Variants in FANCL observed in about 807,000 individuals in gnomAD.
FANCL encodes FA complementation group L.
In FANCL, 69 loss-of-function variants were observed where a neutral mutation model predicts 59.4. The ratio of observed to expected loss-of-function variants is 1.16; its 90% CI spans 0.96 to 1.42. FANCL has a LOEUF of 1.42. Among genes scored for constraint, FANCL ranks in the 40% most tolerant of loss-of-function variants. The pLI, the probability that FANCL is intolerant of heterozygous loss-of-function variation, is 0.00. For synonymous variants in FANCL, 180 were observed against 147.1 expected, an observed-to-expected ratio of 1.22 and a Z score of -1.62; for missense variants, 519 against 447.2, an observed-to-expected ratio of 1.16 and a Z score of -1.45.
At chr2:58,161,475 A>C (rs891238089) in intron 12 of FANCL, 47 bp downstream of exon 12, 1 of 1,118,664 alleles carries the variant, frequency 8.9e-7, no homozygotes. Context: ...AATACTTCCT[A>C]TGTTGTGTTA....
chr2:58,211,475 G>A (rs1041637696), intron 5 of FANCL, among the ~76,000 whole-genome samples: 3 of 152,172 alleles, frequency 2.0e-5, no homozygotes, highest in African/African-American at 7.2e-5. Flanking sequence ...ATGCCCTGGA[G>A]ACATTTTCCC....
chr2:58,217,393 T>C (rs1430458306), intron 5 of FANCL, among the ~76,000 whole-genome samples: 2 of 150,570 alleles, frequency 1.3e-5, no homozygotes, highest in Non-Finnish European at 3.0e-5. Context: ...TCCTTGCCTC[T>C]TCCAGTTTCT....
intron 7 of FANCL, among the ~76,000 whole-genome samples, chr2:58,183,373 T>C (rs550583948): frequency 3.8e-4 from 58 of 150,866 alleles, no homozygotes; most frequent in African/African-American, 1.3e-3. Context: ...TTCTCCAAAG[T>C]AGCTTTTCCA....
intron 7 of FANCL, among the ~76,000 whole-genome samples, chr2:58,177,638 G>A (rs1324410234): frequency 9.5e-6 from 1 of 105,152 alleles, no homozygotes; most frequent in African/African-American, 3.6e-5. Flanking sequence ...TTGTGGGGTG[G>A]GGGGAGGGGG....
intron 9 of FANCL, 88 bp from the exon 10 acceptor site, chr2:58,163,162 CTTGAT>C (rs1685459431): frequency 3.4e-6 from 4 of 1,170,548 alleles, no homozygotes; most frequent in Non-Finnish European, 2.5e-6. Context: ...TTCTTAACTA[CTTGAT>C]TAGAAAATCA....
chr2:58,220,102 T>G (rs1692320096), intron 5 of FANCL, among the ~76,000 whole-genome samples: 1 of 152,232 alleles, frequency 6.6e-6, no homozygotes, highest in Admixed American at 6.5e-5. Flanking sequence ...CCATCTGCAG[T>G]GAAACACTAT....
At chr2:58,239,637 T>G (rs941933820) in intron 1 of FANCL, among the ~76,000 whole-genome samples, 1 of 152,222 alleles carries the variant, frequency 6.6e-6, no homozygotes, top group African/African-American at 2.4e-5. Context: ...ATCCTGATTT[T>G]AATCACTGTA....
chr2:58,185,182 T>G (rs559380132), intron 7 of FANCL, among the ~76,000 whole-genome samples: 1 of 151,952 alleles, frequency 6.6e-6, no homozygotes, highest in African/African-American at 2.4e-5. Context: ...AAAAAAAGAA[T>G]TAATCTTAAG....
At chr2:58,210,013 T>G (rs867683733) in intron 5 of FANCL, among the ~76,000 whole-genome samples, 1 of 152,240 alleles carries the variant, frequency 6.6e-6, no homozygotes, top group Non-Finnish European at 1.5e-5. Flanking sequence ...AAAGTTCAAC[T>G]AGTTGAAGTG....
chr2:58,238,282 C>A (rs986068599), intron 1 of FANCL, among the ~76,000 whole-genome samples: 1 of 152,164 alleles, frequency 6.6e-6, no homozygotes, highest in Non-Finnish European at 1.5e-5. Flanking sequence ...TTTAGACCAT[C>A]AAAGTCTTGG....
chr2:58,190,091 C>T (rs750588174), intron 7 of FANCL, among the ~76,000 whole-genome samples: 1 of 151,970 alleles, frequency 6.6e-6, no homozygotes, highest in Non-Finnish European at 1.5e-5. Flanking sequence ...TTTGAAGTTA[C>T]TTACAGGCTT....
intron 12 of FANCL, among the ~76,000 whole-genome samples, chr2:58,160,909 GTA>G (rs1461234151): frequency 1.3e-5 from 2 of 151,906 alleles, no homozygotes; most frequent in Admixed American, 1.3e-4. Flanking sequence ...AAGGTGTTCT[GTA>G]TATAGTTACA....
At chr2:58,200,651 A>C (rs17049403) in intron 6 of FANCL, among the ~76,000 whole-genome samples, 7,979 of 152,004 alleles carry the variant, frequency 0.052, 304 homozygotes, top group African/African-American at 0.097. Context: ...TACACAGCTC[A>C]TTATGCTAAA....
At chr2:58,160,078 T>TTTATGAGATG (rs762366997) in intron 13 of FANCL, 30 bp downstream of exon 13, 8 of 1,609,660 alleles carry the variant, frequency 5.0e-6, no homozygotes, top group Non-Finnish European at 6.8e-6. Flanking sequence ...CTAGGCACAT[T>TTTATGAGATG]TTATGAGATG....
At chr2:58,207,134 C>CT (rs1690665334) in intron 5 of FANCL, among the ~76,000 whole-genome samples, 2 of 152,102 alleles carry the variant, frequency 1.3e-5, no homozygotes. Flanking sequence ...GTGATGTGTG[C>CT]TTTTGGGGGT....
chr2:58,169,933 G>A (rs1013196320), intron 7 of FANCL, among the ~76,000 whole-genome samples: 3 of 152,152 alleles, frequency 2.0e-5, no homozygotes, highest in African/African-American at 7.2e-5. Flanking sequence ...TTTGATTGGT[G>A]TGCCTGAAAG....
chr2:58,237,585 T>C (rs1694137148), intron 1 of FANCL, among the ~76,000 whole-genome samples: 1 of 151,710 alleles, frequency 6.6e-6, no homozygotes, highest in Non-Finnish European at 1.5e-5. Context: ...TATAGAAACA[T>C]AAAAATAATA....
chr2:58,198,379 T>C (rs961583491), intron 7 of FANCL, among the ~76,000 whole-genome samples: 2 of 152,100 alleles, frequency 1.3e-5, no homozygotes, highest in African/African-American at 2.4e-5. Flanking sequence ...GGCAAATGCA[T>C]TGTATTAGGT....
intron 5 of FANCL, among the ~76,000 whole-genome samples, chr2:58,214,918 A>G (rs1284848711): frequency 6.6e-6 from 1 of 152,188 alleles, no homozygotes; most frequent in Non-Finnish European, 1.5e-5. Context: ...CAAAAATCTC[A>G]TATCACATCC....
Sources: allele counts gnomAD v4.1 joint callset (sites outside exome capture counted in the v4.1 genomes callset), GRCh38; gene constraint gnomAD v4.1.1; transcripts MANE v1.5; gene names NCBI Gene and HGNC (gene_info 2026-07-23, HGNC 2026-07-21).